The following NR3C2 variants were observed in gnomAD, a reference collection of about 807,000 sequenced individuals.
The protein encoded by NR3C2 is nuclear receptor subfamily 3 group C member 2.
A neutral mutation model predicts 86.4 loss-of-function variants in NR3C2; 15 were observed. That is an observed-to-expected ratio of 0.17 (90% CI 0.12 to 0.27). The LOEUF is 0.27. Ranked by LOEUF, NR3C2 falls within the 10% of genes least tolerant of loss-of-function variation. The pLI is 1.00. For synonymous variants in NR3C2, 458 were observed against 450.5 expected (o/e 1.02, Z -0.21); for missense variants, 960 against 1,195.6 (o/e 0.80, Z 2.91).
upstream of NR3C2, chr4:148,442,562 C>T: frequency 1.3e-6 from 1 of 790,796 alleles, no homozygotes; most frequent in South Asian, 5.7e-5. Context: ...GGTTGCTATC[C>T]CGCCCCCCTG....
At chr4:148,126,012 G>C (rs1239451608) in intron 6 of NR3C2, among the ~76,000 whole-genome samples, 1 of 152,180 alleles carries the variant, frequency 6.6e-6, no homozygotes, top group Non-Finnish European at 1.5e-5. Flanking sequence ...GATGTCTGTG[G>C]AGCACAACAC....
intron 8 of NR3C2, among the ~76,000 whole-genome samples, chr4:148,109,977 C>T (rs1029817494): frequency 6.6e-6 from 1 of 152,068 alleles, no homozygotes; most frequent in Admixed American, 6.6e-5. Context: ...AAGCTTCTTT[C>T]CCTCATAGGA....
chr4:148,304,234 T>C (rs181279452), intron 2 of NR3C2, among the ~76,000 whole-genome samples: 9 of 152,196 alleles, frequency 5.9e-5, no homozygotes, highest in Admixed American at 5.9e-4. Context: ...AAAAGTTAAT[T>C]TCTCAAACCT....
intron 2 of NR3C2, among the ~76,000 whole-genome samples, chr4:148,383,392 A>G (rs1422794596): frequency 2.0e-5 from 3 of 152,216 alleles, no homozygotes; most frequent in African/African-American, 7.2e-5. Flanking sequence ...GAAATCTGGT[A>G]GATTTTTGCT....
rs371556063 is a variant in NR3C2, at chr4:148,187,680, C to G, written c.2014+7066G>C. On this transcript the variant is annotated intron_variant, in intron 4 of 8. Transcript: ENST00000358102. Reference sequence around the variant, plus strand: ...CTGCTGACTCTCTTGTCTGTTTACTCTGCTGACTGTTCCTTTCGCTGTGCA... The same window carrying G: ...CTGCTGACTCTCTTGTCTGTTTACTGTGCTGACTGTTCCTTTCGCTGTGCA... 1.5e-4 allele frequency among the ~76,000 whole-genome samples: 23 copies of G among 152,274 alleles called. No individual in the cohort carries two copies. In the South Asian group the frequency reaches 2.9e-3, roughly 19 times the overall value.
intron 2 of NR3C2, among the ~76,000 whole-genome samples, chr4:148,405,634 T>C (rs1748382838): frequency 6.6e-6 from 1 of 152,204 alleles, no homozygotes; most frequent in South Asian, 2.1e-4. Context: ...TTTATACTGA[T>C]AAAAACTTGA....
intron 2 of NR3C2, among the ~76,000 whole-genome samples, chr4:148,313,399 T>C (rs1448170236): frequency 6.6e-6 from 1 of 152,216 alleles, no homozygotes; most frequent in Non-Finnish European, 1.5e-5. Context: ...GACTATAATA[T>C]GCTTTGGTAT....
Position 148,114,060 on chromosome 4 carries a change from G to A in NR3C2, c.2799+44C>T, listed in dbSNP as rs373962891. 460 of 1,608,172 alleles carry A rather than the reference G, an allele frequency of 2.9e-4. 8 individuals carry two copies. The Middle Eastern group carries it at 3.2e-3, about 11-fold the overall frequency. On this transcript the variant is annotated intron_variant, in intron 8 of 8. Coordinates refer to ENST00000358102, the MANE Select transcript of NR3C2 (RefSeq NM_000901.5). The stretch of plus-strand genomic sequence containing the variant: ...TCCTTTGGTCAGCAGTGTGTATGTG[G>A]TTGCTGATCCTTCACTTAGGAACCA...
At position 148,221,617 on chromosome 4, in the gene NR3C2, G is replaced by A. The variant is rs531649318; in HGVS notation, c.1898-26755C>T. Among the ~76,000 whole-genome samples, 10 of 152,278 alleles carry A rather than the reference G, an allele frequency of 6.6e-5. No homozygotes were observed. In the South Asian group the frequency reaches 2.1e-3, roughly 32 times the overall value. ...GTTTAGAATAAGTGCTACAGGCCAGGTGCGGTGGCTCACGCCTGTAATCCC... is the reference window on the plus strand; with the variant it reads ...GTTTAGAATAAGTGCTACAGGCCAGATGCGGTGGCTCACGCCTGTAATCCC... On this transcript the variant is annotated intron_variant, in intron 3 of 8. Transcript: ENST00000358102.
chr4:148,400,658 A>T (rs781066788), intron 2 of NR3C2, among the ~76,000 whole-genome samples: 58 of 151,946 alleles, frequency 3.8e-4, no homozygotes, highest in Admixed American at 1.1e-3. Context: ...GCATGCCTGT[A>T]GTCCCAGCTA....
Position 148,435,658 on chromosome 4 carries a change from T to C in NR3C2, c.1203A>G (p.Glu401=), listed in dbSNP as rs1750017251. Residue 401 remains glutamate (E), a synonymous_variant, in exon 2 of 9, where the codon GAA becomes GAG. Transcript: ENST00000358102. The stretch of plus-strand genomic sequence containing the variant: ...ATGAGCTGCTAAAAGCTCCATCTGG[T>C]TCTGGTTTTATGTACTGGACAATAT... ...QLNIVQYIKP[E]PDGAFSSSCL... is the part of the protein sequence containing the mutation. 6.2e-7 allele frequency: 1 copy of C among 1,614,112 alleles called. No homozygotes were observed.
At chr4:148,127,915 G>A (rs556427126) in intron 6 of NR3C2, among the ~76,000 whole-genome samples, 155 of 152,198 alleles carry the variant, frequency 1.0e-3, no homozygotes, top group African/African-American at 3.2e-3. Flanking sequence ...ATGATCATTT[G>A]GAAATAGTTT....
At chr4:148,358,799 G>C (rs1232430125) in intron 2 of NR3C2, among the ~76,000 whole-genome samples, 1 of 152,056 alleles carries the variant, frequency 6.6e-6, no homozygotes, top group African/African-American at 2.4e-5. Flanking sequence ...TAATCCATTA[G>C]AGTACCTGGC....
At chr4:148,345,392 G>GT (rs1170210229) in intron 2 of NR3C2, among the ~76,000 whole-genome samples, 6 of 151,720 alleles carry the variant, frequency 4.0e-5, no homozygotes, top group African/African-American at 1.5e-4. Context: ...ATTGGCAAGA[G>GT]TAAAAAAAAT....
chr4:148,385,131 G>A, intron 2 of NR3C2, among the ~76,000 whole-genome samples: 1 of 152,162 alleles, frequency 6.6e-6, no homozygotes, highest in Admixed American at 6.5e-5. Context: ...CTGTAGTACA[G>A]CAACAATGAT....
At chr4:148,145,356 G>A (rs1414530610) in intron 6 of NR3C2, among the ~76,000 whole-genome samples, 2 of 152,198 alleles carry the variant, frequency 1.3e-5, no homozygotes, top group African/African-American at 4.8e-5. Flanking sequence ...GAAGAATCAG[G>A]GGAGAAGGGA....
rs1217594487 is a variant in NR3C2, at chr4:148,322,029, T to C, written c.1758-61912A>G. On this transcript the variant is annotated intron_variant, in intron 2 of 8. Coordinates refer to ENST00000358102, the MANE Select transcript of NR3C2 (RefSeq NM_000901.5). The stretch of plus-strand genomic sequence containing the variant: ...CAGCGGCTGGTACTGGTTGTTCCTT[T>C]CCATGTTTAGTGCTTCCTTCAGGAG... Among the ~76,000 whole-genome samples the C allele has an allele frequency of 3.2e-4, 48 of 152,336 alleles. No individual in the cohort carries two copies. The South Asian group carries it at 9.9e-3, about 32-fold the overall frequency.
chr4:148,103,612 T>C (rs1731641765), intron 8 of NR3C2, among the ~76,000 whole-genome samples: 2 of 152,252 alleles, frequency 1.3e-5, no homozygotes, highest in African/African-American at 4.8e-5. Context: ...GAAAAGCCTC[T>C]TTCCAACAAG....
chr4:148,107,420 T>C (rs190817816), intron 8 of NR3C2, among the ~76,000 whole-genome samples: 17 of 152,336 alleles, frequency 1.1e-4, no homozygotes, highest in African/African-American at 4.1e-4. Context: ...AGTTCAACCA[T>C]TGTGGAAGAC....
Sources: gnomAD v4.1 joint callset for allele counts (sites outside exome capture counted in the v4.1 genomes callset) on GRCh38, gnomAD v4.1.1 for gene constraint, MANE v1.5 for transcripts, NCBI Gene and HGNC (gene_info 2026-07-23, HGNC 2026-07-21) for gene names.